CSMD1: variants seen among roughly 807,000 people sequenced by gnomAD.
CSMD1 encodes the protein CUB and Sushi multiple domains 1.
A neutral mutation model predicts 417.5 loss-of-function variants in CSMD1; 213 were observed. The ratio of observed to expected loss-of-function variants is 0.51; its 90% CI spans 0.46 to 0.57. The LOEUF (loss-of-function observed/expected upper bound fraction) is 0.57. Among genes scored for constraint, CSMD1 ranks in the 20% least tolerant of loss-of-function variants. The pLI is 0.00. For missense variants in CSMD1, 6,923 were observed against 4,529.7 expected (o/e 1.53, Z -15.17); for synonymous variants, 2,862 against 1,736.8 (o/e 1.65, Z -16.11).
chr8:3,918,653 A>G (rs1809002362), intron 5 of CSMD1, among the ~76,000 whole-genome samples: 1 of 152,172 alleles, frequency 6.6e-6, no homozygotes, highest in Non-Finnish European at 1.5e-5. Flanking sequence ...GAGTGGATAA[A>G]GAAGCTGAGG....
chr8:3,612,327 A>G lies in CSMD1; in HGVS notation c.1097+4383T>C, dbSNP rs747305262. ...TGAAGCAAAAACTGATAAAGCTGCA[A>G]TGAGAAATAGACAGATTCACAATTT... On this transcript the variant is annotated intron_variant, in intron 8 of 69. Coordinates refer to ENST00000635120, the MANE Select transcript of CSMD1 (RefSeq NM_033225.6). Among the ~76,000 whole-genome samples, 21 of 152,150 alleles carry G rather than the reference A, an allele frequency of 1.4e-4. 1 individual carries two copies. Among genetic ancestry groups the G allele is most frequent in the Non-Finnish European group, 3.1e-4 (21 of 67,992 alleles).
At chr8:3,873,513 G>C (rs62482704) in intron 5 of CSMD1, among the ~76,000 whole-genome samples, 21,500 of 151,896 alleles carry the variant, frequency 0.14, 1,650 homozygotes, top group African/African-American at 0.19. Flanking sequence ...TAAGAACACA[G>C]GGACACATAA....
intron 5 of CSMD1, among the ~76,000 whole-genome samples, chr8:3,979,811 A>G (rs1813719939): frequency 6.6e-6 from 1 of 152,230 alleles, no homozygotes; most frequent in African/African-American, 2.4e-5. Flanking sequence ...TTATGACAAT[A>G]CAAACCCATG....
chr8:3,199,855 G>T, intron 32 of CSMD1, 46 bp from the exon 33 acceptor site: 1 of 1,178,190 alleles, frequency 8.5e-7, no homozygotes, highest in Non-Finnish European at 1.2e-6. Flanking sequence ...ACAGCACCGT[G>T]GGGGACGGTA....
chr8:4,765,494 T>C (rs1812404663), intron 1 of CSMD1, among the ~76,000 whole-genome samples: 1 of 152,252 alleles, frequency 6.6e-6, no homozygotes, highest in Non-Finnish European at 1.5e-5. Flanking sequence ...GATGCCTATT[T>C]AGTTTAAAAT....
chr8:4,179,780 C>A (rs1251034096), intron 3 of CSMD1, among the ~76,000 whole-genome samples: 3 of 152,024 alleles, frequency 2.0e-5, no homozygotes, highest in African/African-American at 7.2e-5. Flanking sequence ...TATGAACAGA[C>A]ACTTCTCAAA....
intron 3 of CSMD1, among the ~76,000 whole-genome samples, chr8:4,407,502 G>C (rs905771349): frequency 6.6e-6 from 1 of 152,050 alleles, no homozygotes; most frequent in African/African-American, 2.4e-5. Context: ...ATTGTACTCT[G>C]TTGTATTTTT....
intron 5 of CSMD1, among the ~76,000 whole-genome samples, chr8:3,993,488 GTTTTGTTTTAACT>G (rs1051869546): frequency 1.3e-5 from 2 of 152,156 alleles, no homozygotes; most frequent in Non-Finnish European, 2.9e-5. Flanking sequence ...TTTCTCTGAA[GTTTTGTTTTAACT>G]TTAGCCAGTC....
At chr8:3,681,127 A>G (rs1799639773) in intron 7 of CSMD1, among the ~76,000 whole-genome samples, 1 of 152,210 alleles carries the variant, frequency 6.6e-6, no homozygotes, top group Non-Finnish European at 1.5e-5. Flanking sequence ...GAAAACTGGC[A>G]CAAGACAGGG....
Position 4,477,230 on chromosome 8 carries a change from A to G in CSMD1, c.303-57165T>C, listed in dbSNP as rs139773731. On this transcript the variant is annotated intron_variant, in intron 2 of 69. Transcript: ENST00000635120. ...CCCAGGTGAGAGGGCTCCCAGTGAC[A>G]GAGCTACCTAGGGCTAGAGCCACTG... 5.8e-3 allele frequency among the ~76,000 whole-genome samples: 883 copies of G among 152,322 alleles called. 6 individuals carry two copies. The highest frequency in any genetic ancestry group is 9.3e-3 in the Non-Finnish European group (632 of 68,026).
At chr8:4,384,643 C>G (rs1351462412) in intron 3 of CSMD1, among the ~76,000 whole-genome samples, 4 of 152,040 alleles carry the variant, frequency 2.6e-5, no homozygotes, top group Admixed American at 6.6e-5. Flanking sequence ...ATTCAACAAC[C>G]TGCTATTTCA....
intron 1 of CSMD1, among the ~76,000 whole-genome samples, chr8:4,794,202 C>G (rs1295796220): frequency 1.3e-5 from 2 of 151,198 alleles, no homozygotes; most frequent in Non-Finnish European, 3.0e-5. Context: ...TACATTTTAA[C>G]AGGTCACTTG....
At chr8:3,974,801 T>C (rs913866385) in intron 5 of CSMD1, among the ~76,000 whole-genome samples, 2 of 152,146 alleles carry the variant, frequency 1.3e-5, no homozygotes, top group Non-Finnish European at 2.9e-5. Flanking sequence ...ATTCACAATT[T>C]TTTATAAAGC....
intron 5 of CSMD1, among the ~76,000 whole-genome samples, chr8:3,956,262 T>A (rs1001867057): frequency 2.0e-5 from 3 of 152,214 alleles, no homozygotes; most frequent in African/African-American, 7.2e-5. Flanking sequence ...TTAATACATT[T>A]GACTTTTAAA....
At chr8:3,233,407 T>G (rs1284687525) in intron 26 of CSMD1, among the ~76,000 whole-genome samples, 1 of 152,196 alleles carries the variant, frequency 6.6e-6, no homozygotes, top group Admixed American at 6.5e-5. Context: ...ATGTGGTCCC[T>G]CGACCTTGGA....
intron 3 of CSMD1, among the ~76,000 whole-genome samples, chr8:4,233,589 C>T (rs117877333): frequency 1.3e-5 from 2 of 152,132 alleles, no homozygotes; most frequent in Admixed American, 1.3e-4. Flanking sequence ...GTCTATGAAC[C>T]AGGAAATGAT....
intron 69 of CSMD1, among the ~76,000 whole-genome samples, chr8:2,941,017 T>A (rs1258159819): frequency 2.0e-5 from 3 of 152,258 alleles, no homozygotes; most frequent in African/African-American, 7.2e-5. Flanking sequence ...GGTAGTGGCA[T>A]ATCTTTCTAC....
intron 2 of CSMD1, among the ~76,000 whole-genome samples, chr8:4,531,763 A>C (rs750887845): frequency 3.9e-4 from 60 of 152,180 alleles, no homozygotes; most frequent in Non-Finnish European, 6.0e-4. Flanking sequence ...AAAGTATACA[A>C]TCTGGTGCTT....
At chr8:4,229,560 A>G (rs892820502) in intron 3 of CSMD1, among the ~76,000 whole-genome samples, 6 of 152,000 alleles carry the variant, frequency 3.9e-5, no homozygotes, top group African/African-American at 1.4e-4. Context: ...AGCATTCCCC[A>G]TCCTCAGCAC....
Sources: allele counts gnomAD v4.1 joint callset (sites outside exome capture counted in the v4.1 genomes callset), GRCh38; gene constraint gnomAD v4.1.1; transcripts MANE v1.5; gene names NCBI Gene and HGNC (gene_info 2026-07-23, HGNC 2026-07-21).